The following FBXL18 variants were observed in gnomAD, a reference collection of about 807,000 sequenced individuals.
The protein encoded by FBXL18 is F-box and leucine rich repeat protein 18, also known as F-box/LRR-repeat protein 18.
Under a neutral mutation model 46.0 loss-of-function variants are expected in FBXL18, and 36 were observed. That is an observed-to-expected ratio of 0.78 (90% CI 0.60 to 1.03). The LOEUF (loss-of-function observed/expected upper bound fraction) is 1.03. Among genes scored for constraint, FBXL18 ranks in the 50% least tolerant of loss-of-function variants. The pLI, the probability that FBXL18 is intolerant of heterozygous loss-of-function variation, is 0.00. For synonymous variants in FBXL18, 557 were observed against 465.3 expected (o/e 1.20, Z -2.54); for missense variants, 977 against 1,004.1 (o/e 0.97, Z 0.36).
chr7:5,470,857 G>A (rs1783417400), downstream of FBXL18, among the ~76,000 whole-genome samples: 2 of 152,274 alleles, frequency 1.3e-5, no homozygotes, highest in African/African-American at 4.8e-5. Context: ...AAGGCCTGGA[G>A]ATGGCGGTGG....
At position 5,494,197 on chromosome 7, in the gene FBXL18, G is replaced by C. The variant is rs1182021154; in HGVS notation, c.1782-2748C>G. Among the ~76,000 whole-genome samples the C allele has an allele frequency of 2.0e-5, 3 of 152,050 alleles. No individual in the cohort carries two copies. The East Asian group carries it at 5.8e-4, about 29-fold the overall frequency. On this transcript the variant is annotated intron_variant, in intron 3 of 4. Transcript: ENST00000382368. Reference sequence around the variant, plus strand: ...TGAGGCAGGAAAATCGTTTCTACCTGGGAGGCAGAGGTTGCGGTGAGCCAA... The same window carrying C: ...TGAGGCAGGAAAATCGTTTCTACCTCGGAGGCAGAGGTTGCGGTGAGCCAA...
intron 4 of FBXL18, among the ~76,000 whole-genome samples, chr7:5,484,561 G>T (rs537713137): frequency 6.6e-6 from 1 of 151,112 alleles, no homozygotes; most frequent in African/African-American, 2.4e-5. Flanking sequence ...CTCCCAGACT[G>T]GAGTGCAGTG....
chr7:5,467,514 C>G (rs1399934299), intron 4 of FBXL18, among the ~76,000 whole-genome samples: 2 of 151,554 alleles, frequency 1.3e-5, no homozygotes, highest in African/African-American at 4.8e-5. Context: ...CCACCGCACC[C>G]CAGCCTGGGA....
rs371065364 is a variant in FBXL18 at position 5,457,639 on chromosome 7, G to T, written c.2001-9796C>A. ...GAGAATGACTCTGCAGTGTCAGGGAGGGTCAAGCTGTATTTTAAAAAGCAA... is the reference window on the plus strand; with the variant it reads ...GAGAATGACTCTGCAGTGTCAGGGATGGTCAAGCTGTATTTTAAAAAGCAA... On this transcript the variant is annotated intron_variant and NMD_transcript_variant, in intron 4 of 6. Transcript: ENST00000415009. 2.6e-5 allele frequency among the ~76,000 whole-genome samples: 4 copies of T among 152,350 alleles called. No individual in the cohort carries two copies. In the South Asian group the frequency reaches 6.2e-4, roughly 24 times the overall value.
At chr7:5,466,611 C>G (rs1317492125) in intron 4 of FBXL18, among the ~76,000 whole-genome samples, 1 of 152,218 alleles carries the variant, frequency 6.6e-6, no homozygotes, top group Non-Finnish European at 1.5e-5. Flanking sequence ...TCTCAAGGTC[C>G]GCTGATCCGC....
intron 3 of FBXL18, among the ~76,000 whole-genome samples, chr7:5,499,808 C>G (rs890362496): frequency 1.3e-5 from 2 of 150,838 alleles, no homozygotes; most frequent in Non-Finnish European, 2.9e-5. Flanking sequence ...AATCCCAGCA[C>G]CAGCACTTTG....
intron 4 of FBXL18, chr7:5,489,875 G>A: frequency 4.5e-6 from 3 of 672,900 alleles, no homozygotes; most frequent in Middle Eastern, 3.2e-4. Flanking sequence ...AACCCAGAAA[G>A]CAGAGGTTGC....
At chr7:5,488,837 C>T (rs1338708250) in intron 4 of FBXL18, among the ~76,000 whole-genome samples, 1 of 152,232 alleles carries the variant, frequency 6.6e-6, no homozygotes, top group Non-Finnish European at 1.5e-5. Flanking sequence ...GTACCACAGC[C>T]TCACAGAGCA....
intron 4 of FBXL18, among the ~76,000 whole-genome samples, chr7:5,484,533 G>C (rs1183003702): frequency 6.7e-6 from 1 of 150,102 alleles, no homozygotes; most frequent in Admixed American, 6.7e-5. Flanking sequence ...TTTTTTTCGA[G>C]ACAGGGTCTT....
intron 1 of FBXL18, among the ~76,000 whole-genome samples, chr7:5,512,650 G>A (rs1318351340): frequency 6.6e-6 from 1 of 152,142 alleles, no homozygotes; most frequent in Non-Finnish European, 1.5e-5. Context: ...GCTTTAAGCT[G>A]TAATTCTGTA....
chr7:5,474,776 C>T (rs1783482940), downstream of FBXL18, among the ~76,000 whole-genome samples: 1 of 150,834 alleles, frequency 6.6e-6, no homozygotes, highest in Admixed American at 6.6e-5. Flanking sequence ...GGCGCGATCT[C>T]GGCTCACTGC....
At chr7:5,459,519 A>T (rs35742170) in intron 4 of FBXL18, among the ~76,000 whole-genome samples, 24,970 of 151,994 alleles carry the variant, frequency 0.16, 2,225 homozygotes, top group South Asian at 0.28. Flanking sequence ...GGCAGGTGGA[A>T]CACGAGGTCA....
At position 5,505,512 on chromosome 7, in the gene FBXL18, G is replaced by C. The variant is rs771434988; in HGVS notation, c.137C>G (p.Thr46Arg). The C allele has an allele frequency of 6.2e-7, 1 of 1,614,188 alleles. No homozygotes were observed. Among genetic ancestry groups the C allele is most frequent in the South Asian group, 1.1e-5 (1 of 91,080 alleles). Reference sequence around the variant, plus strand: ...ACGCCGGACGTTCAGAATCAGATCTGTGCTGGGGACGTGACTCAGGATGTG... The same window carrying C: ...ACGCCGGACGTTCAGAATCAGATCTCTGCTGGGGACGTGACTCAGGATGTG... ...LLHILSHVPS[T>R]DLILNVRRTC... The change falls in exon 2 of 5, where the codon ACA (threonine) becomes AGA (arginine). Residue 46 changes from threonine (T) to arginine (R), a missense_variant. Transcript: ENST00000382368.
At position 5,464,893 on chromosome 7, in the gene FBXL18, G is replaced by A. The variant is rs554354138; in HGVS notation, c.2001-17050C>T. Among the ~76,000 whole-genome samples, 296 of 151,626 alleles carry A rather than the reference G, an allele frequency of 2.0e-3. 2 individuals are homozygous for A. Among genetic ancestry groups the A allele is most frequent in the African/African-American group, 6.7e-3 (279 of 41,376 alleles). The stretch of plus-strand genomic sequence containing the variant: ...AGCCTGGACAACACGGTGAAACCCC[G>A]TCCTACTAAAAATATAAAAATTAGC... On this transcript the variant is annotated intron_variant and NMD_transcript_variant, in intron 4 of 6. Transcript: ENST00000415009.
intron 4 of FBXL18, among the ~76,000 whole-genome samples, chr7:5,466,897 T>C (rs1422845453): frequency 2.6e-5 from 4 of 152,190 alleles, no homozygotes; most frequent in East Asian, 3.9e-4. Context: ...AGTGGGCTTG[T>C]GGGGAACGAA....
In FBXL18 at chr7:5,481,786, G is replaced by T. The variant is rs1194219085; in HGVS notation, c.2146C>A (p.Leu716Met). ...KSRVAEEPPNLWW is the reference protein window; with the variant it reads ...KSRVAEEPPNMWW ...GGCGGCTCCGCCTCTCACCACCACAGGTTCGGCGGTTCCTCGGCCACTCTG... is the reference window on the plus strand; with the variant it reads ...GGCGGCTCCGCCTCTCACCACCACATGTTCGGCGGTTCCTCGGCCACTCTG... The change falls in exon 5 of 5, where the codon CTG becomes ATG. Residue 716 changes from leucine to methionine, a missense_variant. Physicochemically the swap from Leu to Met is conservative, Grantham distance 15 (BLOSUM62 2). Coordinates refer to ENST00000382368, the MANE Select transcript of FBXL18 (RefSeq NM_024963.6). The T allele has an allele frequency of 1.9e-6, 3 of 1,613,366 alleles. No individual in the cohort carries two copies. The highest frequency in any genetic ancestry group is 4.5e-5 in the East Asian group (2 of 44,898).
At chr7:5,458,136 A>C (rs1783196844) in intron 4 of FBXL18, among the ~76,000 whole-genome samples, 1 of 152,002 alleles carries the variant, frequency 6.6e-6, no homozygotes, top group South Asian at 2.1e-4. Context: ...GGACCGTTTC[A>C]GGATTTGGCT....
chr7:5,483,688 G>C (rs139112048), intron 4 of FBXL18, among the ~76,000 whole-genome samples: 4,389 of 151,904 alleles, frequency 0.029, 75 homozygotes, highest in Middle Eastern at 0.051. Flanking sequence ...AGGTTGCAGT[G>C]AGCCGAGATT....
At chr7:5,490,883 C>T (rs1427356141) in intron 4 of FBXL18, among the ~76,000 whole-genome samples, 3 of 152,334 alleles carry the variant, frequency 2.0e-5, no homozygotes, top group East Asian at 3.9e-4. Flanking sequence ...CGCTTGAACC[C>T]GGAAGGCGAA....
Sources: gnomAD v4.1 joint callset for allele counts (sites outside exome capture counted in the v4.1 genomes callset) on GRCh38, gnomAD v4.1.1 for gene constraint, MANE v1.5 for transcripts, NCBI Gene and HGNC (gene_info 2026-07-23, HGNC 2026-07-21) for gene names.